XYLT1: variants seen among roughly 807,000 people sequenced by gnomAD.
XYLT1 encodes the protein xylosyltransferase 1.
Under a neutral mutation model 91.3 loss-of-function variants are expected in XYLT1, and 36 were observed. The ratio of observed to expected loss-of-function variants is 0.39; its 90% CI spans 0.30 to 0.52. The LOEUF (loss-of-function observed/expected upper bound fraction) is 0.52. XYLT1 is among the 20% of genes least tolerant of loss of function. The probability of loss-of-function intolerance (pLI) is 0.68; values close to 1 mark genes in which losing one functional copy is unlikely to be tolerated. For synonymous variants in XYLT1, 588 were observed against 532.0 expected (o/e 1.11, Z -1.45); for missense variants, 1,242 against 1,284.5 (o/e 0.97, Z 0.51).
intron 1 of XYLT1, among the ~76,000 whole-genome samples, chr16:17,379,775 A>T (rs2035655371): frequency 1.3e-5 from 2 of 150,900 alleles, no homozygotes; most frequent in African/African-American, 4.9e-5. Context: ...ACACACACAC[A>T]CACACACACA....
Position 17,108,995 on chromosome 16 carries a change from A to C in XYLT1, c.2580T>G (p.Asn860Lys), listed in dbSNP as rs1183215834. ...IKPEEALKLH[N>K]GPLRNAYMEQ... ...CCATGTAGGCATTGCGGAGGGGCCC[A>C]TTGTGCAGCTTCAGTGCCTCCTCTG... Residue 860 changes from asparagine to lysine, a missense_variant, in exon 12 of 12, where the codon AAT becomes AAG. This residue lies in a region of XYLT1 where 511 missense variants were observed against 497.0 expected (regional missense o/e 1.03). Transcript: ENST00000261381. The C allele has an allele frequency of 6.5e-7, 1 of 1,535,742 alleles. No homozygotes were observed. The highest frequency in any genetic ancestry group is 8.8e-7 in the Non-Finnish European group (1 of 1,134,924).
intron 7 of XYLT1, 90 bp downstream of exon 7, chr16:17,141,062 GA>G: frequency 7.6e-7 from 1 of 1,312,220 alleles, no homozygotes; most frequent in South Asian, 1.3e-5. Flanking sequence ...GGTGGACCCA[GA>G]ATCTCTTTGC....
intron 2 of XYLT1, among the ~76,000 whole-genome samples, chr16:17,298,242 A>G (rs981659830): frequency 4.6e-5 from 7 of 152,122 alleles, no homozygotes; most frequent in African/African-American, 1.7e-4. Flanking sequence ...TGTCACATCT[A>G]GTGGGGGCGA....
At chr16:17,331,261 C>T (rs932953326) in intron 2 of XYLT1, among the ~76,000 whole-genome samples, 2 of 152,262 alleles carry the variant, frequency 1.3e-5, no homozygotes, top group Non-Finnish European at 2.9e-5. Flanking sequence ...CAATCCCAGG[C>T]AGTTGCCTTC....
At chr16:17,340,411 C>G (rs2035049630) in intron 2 of XYLT1, among the ~76,000 whole-genome samples, 1 of 152,232 alleles carries the variant, frequency 6.6e-6, no homozygotes, top group African/African-American at 2.4e-5. Flanking sequence ...GGCTGGGGCC[C>G]CAAGCTCAGG....
rs556259390 is a variant in XYLT1, at chr16:17,134,787, T to C, written c.1765-52A>G. ...AAGCCACATCAGCGAGTGCTGGGGGTTGGGGGGAACCTAAGGGCATATCCT... is the reference window on the plus strand; with the variant it reads ...AAGCCACATCAGCGAGTGCTGGGGGCTGGGGGGAACCTAAGGGCATATCCT... On this transcript the variant is annotated intron_variant, in intron 8 of 11. Coordinates refer to ENST00000261381, the MANE Select transcript of XYLT1 (RefSeq NM_022166.4). 8 of 1,599,942 alleles carry C rather than the reference T, an allele frequency of 5.0e-6. No individual in the cohort carries two copies. In the Admixed American group the frequency reaches 8.4e-5, roughly 17 times the overall value.
At chr16:17,431,811 G>A (rs1184265873) in intron 1 of XYLT1, among the ~76,000 whole-genome samples, 5 of 152,208 alleles carry the variant, frequency 3.3e-5, no homozygotes, top group Admixed American at 1.3e-4. Flanking sequence ...TTATAAAAGC[G>A]AATCCTTTTT....
intron 3 of XYLT1, among the ~76,000 whole-genome samples, chr16:17,252,316 G>C (rs186652432): frequency 6.6e-6 from 1 of 152,212 alleles, no homozygotes; most frequent in African/African-American, 2.4e-5. Context: ...CATGAGTAAC[G>C]GCAGAGCCAG....
chr16:17,207,052 C>CT (rs1211378641), intron 3 of XYLT1, among the ~76,000 whole-genome samples: 1,990 of 121,014 alleles, frequency 0.016, 38 homozygotes, highest in African/African-American at 0.03. Flanking sequence ...TCTTTTCTTT[C>CT]TTTTTTTTTT....
intron 1 of XYLT1, among the ~76,000 whole-genome samples, chr16:17,389,741 G>T (rs189578913): frequency 1.3e-5 from 2 of 152,314 alleles, no homozygotes; most frequent in South Asian, 2.1e-4. Flanking sequence ...ATCCATCCAA[G>T]AATCAAAGGG....
intron 3 of XYLT1, chr16:17,227,232 A>C (rs1232894851): frequency 6.6e-6 from 1 of 152,210 alleles, no homozygotes; most frequent in Non-Finnish European, 1.5e-5. Context: ...AAAATACCTA[A>C]ATCTCGAGAC....
At chr16:17,186,765 C>G (rs1397148839) in intron 5 of XYLT1, among the ~76,000 whole-genome samples, 2 of 152,240 alleles carry the variant, frequency 1.3e-5, no homozygotes, top group Admixed American at 1.3e-4. Flanking sequence ...CCTTGAGAAG[C>G]AGCTCTATCC....
At chr16:17,451,867 T>C (rs545321909) in intron 1 of XYLT1, among the ~76,000 whole-genome samples, 1 of 152,338 alleles carries the variant, frequency 6.6e-6, no homozygotes, top group African/African-American at 2.4e-5. Context: ...ACTGGGAACC[T>C]GCAGGACACT....
At chr16:17,281,332 G>A (rs533386607) in intron 2 of XYLT1, among the ~76,000 whole-genome samples, 11 of 151,872 alleles carry the variant, frequency 7.2e-5, no homozygotes, top group Admixed American at 1.3e-4. Context: ...TCAGAGCTCC[G>A]TTGCCTGGCC....
intron 5 of XYLT1, among the ~76,000 whole-genome samples, chr16:17,159,111 G>A (rs1401100417): frequency 6.6e-6 from 1 of 152,108 alleles, no homozygotes; most frequent in East Asian, 1.9e-4. Flanking sequence ...AAAATGGGCT[G>A]TTTGTGCATT....
rs79357937 is a variant in XYLT1, at chr16:17,173,539, G to A, written c.1290-14630C>T. Among the ~76,000 whole-genome samples, 1,680 of 152,372 alleles carry A rather than the reference G, an allele frequency of 0.011. 96 individuals carry two copies. The East Asian group carries it at 0.18, about 16-fold the overall frequency. ...CAAATGAGGAACCTCAGTTGAGCAA[G>A]GCTTGGCTAGCGCCATGTCTGGCAT... On this transcript the variant is annotated intron_variant, in intron 5 of 11. Transcript: ENST00000261381.
chr16:17,190,184 G>C (rs185026714), intron 5 of XYLT1, among the ~76,000 whole-genome samples: 1 of 152,350 alleles, frequency 6.6e-6, no homozygotes, highest in Non-Finnish European at 1.5e-5. Context: ...CTTTTGGGAT[G>C]ATGAAAATGT....
At chr16:17,452,298 T>C (rs2036675426) in intron 1 of XYLT1, among the ~76,000 whole-genome samples, 1 of 128,930 alleles carries the variant, frequency 7.8e-6, no homozygotes, top group South Asian at 2.4e-4. Flanking sequence ...TGATTCTCAG[T>C]TTTTTTCTTT....
chr16:17,169,263 G>C (rs76157798), intron 5 of XYLT1, among the ~76,000 whole-genome samples: 7,159 of 152,304 alleles, frequency 0.047, 250 homozygotes, highest in South Asian at 0.094. Flanking sequence ...CAGGGGGACA[G>C]TACCTCCTTC....
Sources: allele counts gnomAD v4.1 joint callset (sites outside exome capture counted in the v4.1 genomes callset), GRCh38; gene constraint gnomAD v4.1.1; regional missense constraint gnomAD v4.1.1; transcripts MANE v1.5; gene names NCBI Gene and HGNC (gene_info 2026-07-23, HGNC 2026-07-21).